QTMAN: variants seen among roughly 807,000 people sequenced by gnomAD.
QTMAN encodes queuosine-tRNA mannosyltransferase.
At chr2:144,090,193 T>G in the QTMAN span, among the ~76,000 whole-genome samples, 1 of 151,988 alleles carries the variant, frequency 6.6e-6, no homozygotes, top group Non-Finnish European at 1.5e-5. Flanking sequence ...CTCAGTGCAC[T>G]AGGCATAAAA....
At chr2:144,294,711 A>G in the QTMAN span, among the ~76,000 whole-genome samples, 3 of 152,166 alleles carry the variant, frequency 2.0e-5, no homozygotes, top group Non-Finnish European at 4.4e-5. Context: ...TCAATAAGTA[A>G]AAGAGTCTAT....
At chr2:144,119,835 C>T in the QTMAN span, among the ~76,000 whole-genome samples, 1 of 151,864 alleles carries the variant, frequency 6.6e-6, no homozygotes, top group African/African-American at 2.4e-5. Context: ...AGAATATAAG[C>T]ACCCTGCGTT....
chr2:143,970,864 C>A, the QTMAN span: 1 of 682,038 alleles, frequency 1.5e-6, no homozygotes, highest in Non-Finnish European at 2.7e-6. Context: ...TGGTCTACTG[C>A]TGGTTGGGGA....
the QTMAN span, among the ~76,000 whole-genome samples, chr2:144,151,274 G>A: frequency 6.6e-5 from 10 of 151,842 alleles, no homozygotes; most frequent in Non-Finnish European, 1.2e-4. Flanking sequence ...TTTTTATTAC[G>A]CTTCATGATA....
the QTMAN span, chr2:144,011,640 T>TAAAA: frequency 1.0e-3 from 913 of 884,098 alleles, 1 homozygote; most frequent in African/African-American, 6.3e-3. Flanking sequence ...TCTATGCTAG[T>TAAAA]AAAAAAAAAA....
At chr2:144,208,781 T>C in the QTMAN span, 39 of 1,599,422 alleles carry the variant, frequency 2.4e-5, no homozygotes, top group African/African-American at 1.1e-4. Context: ...AGGATACTCA[T>C]TGGCCCATTC....
At chr2:144,125,519 G>A in the QTMAN span, among the ~76,000 whole-genome samples, 1 of 151,942 alleles carries the variant, frequency 6.6e-6, no homozygotes, top group African/African-American at 2.4e-5. Flanking sequence ...GTTGTGATGA[G>A]CTGTTAAACA....
the QTMAN span, among the ~76,000 whole-genome samples, chr2:144,074,012 C>A: frequency 6.6e-6 from 1 of 152,156 alleles, no homozygotes; most frequent in Non-Finnish European, 1.5e-5. Context: ...CAGGTCCCTG[C>A]CACCTAGTCC....
the QTMAN span, chr2:143,938,473 A>G: frequency 1.3e-5 from 2 of 151,922 alleles, no homozygotes; most frequent in Admixed American, 6.6e-5. Flanking sequence ...ACTCTTCTCT[A>G]TTTTCTCCCT....
At chr2:143,956,601 C>T in the QTMAN span, among the ~76,000 whole-genome samples, 1 of 152,012 alleles carries the variant, frequency 6.6e-6, no homozygotes, top group Non-Finnish European at 1.5e-5. Flanking sequence ...TGTTATTATG[C>T]TTTACATTCA....
chr2:144,099,105 T>C, the QTMAN span, among the ~76,000 whole-genome samples: 1 of 152,200 alleles, frequency 6.6e-6, no homozygotes, highest in African/African-American at 2.4e-5. Flanking sequence ...TGCATATACA[T>C]GACATATGCA....
chr2:144,057,182 A>C, the QTMAN span, among the ~76,000 whole-genome samples: 1 of 152,234 alleles, frequency 6.6e-6, no homozygotes, highest in Non-Finnish European at 1.5e-5. Context: ...GTTGTCACTT[A>C]AGGCAAATTA....
At chr2:144,032,138 TA>T in the QTMAN span, among the ~76,000 whole-genome samples, 2 of 152,120 alleles carry the variant, frequency 1.3e-5, no homozygotes, top group African/African-American at 4.8e-5. Context: ...GGAAGCACTG[TA>T]ATGATTAAAA....
chr2:144,214,570 A>C, the QTMAN span, among the ~76,000 whole-genome samples: 1 of 152,206 alleles, frequency 6.6e-6, no homozygotes, highest in Non-Finnish European at 1.5e-5. Flanking sequence ...GTGTACTACC[A>C]TATGTACTTA....
the QTMAN span, among the ~76,000 whole-genome samples, chr2:143,995,287 A>G: frequency 6.6e-6 from 1 of 152,184 alleles, no homozygotes; most frequent in Non-Finnish European, 1.5e-5. Flanking sequence ...AATGAAGATG[A>G]AAAAAGATGA....
At chr2:144,242,367 C>T in the QTMAN span, among the ~76,000 whole-genome samples, 1 of 151,936 alleles carries the variant, frequency 6.6e-6, no homozygotes, top group Non-Finnish European at 1.5e-5. Flanking sequence ...AAGTGTGATC[C>T]ACTCTTTACT....
chr2:144,291,554 T>C, the QTMAN span, among the ~76,000 whole-genome samples: 1 of 152,196 alleles, frequency 6.6e-6, no homozygotes, highest in African/African-American at 2.4e-5. Flanking sequence ...AGCTCACCCT[T>C]TAACTCTTCA....
At chr2:144,261,407 A>G in the QTMAN span, among the ~76,000 whole-genome samples, 1 of 152,220 alleles carries the variant, frequency 6.6e-6, no homozygotes, top group South Asian at 2.1e-4. Flanking sequence ...AAAAATATGT[A>G]TATCAATGCA....
At chr2:144,203,975 C>T in the QTMAN span, among the ~76,000 whole-genome samples, 3 of 151,962 alleles carry the variant, frequency 2.0e-5, no homozygotes, top group African/African-American at 7.2e-5. Context: ...CCCTTCCTTA[C>T]ACCTTATACA....
Sources: allele counts gnomAD v4.1 joint callset (sites outside exome capture counted in the v4.1 genomes callset), GRCh38; gene constraint gnomAD v4.1.1; transcripts MANE v1.5; gene names NCBI Gene and HGNC (gene_info 2026-07-23, HGNC 2026-07-21).